Variants in TMSB15B observed in about 807,000 individuals in gnomAD.
The protein encoded by TMSB15B is thymosin beta 15B, also known as thymosin beta-15B.
intron 1 of TMSB15B, among the ~76,000 whole-genome samples, chrX:103,944,912 G>A (rs181871912): frequency 9.0e-6 from 1 of 111,579 alleles, no homozygotes; most frequent in African/African-American, 3.3e-5. Flanking sequence ...TGAGTAGCTG[G>A]GACTACAGGC....
At chrX:103,933,259 A>T (rs1204248916) in intron 1 of TMSB15B, among the ~76,000 whole-genome samples, 1 of 111,724 alleles carries the variant, frequency 9.0e-6, no homozygotes, top group East Asian at 2.8e-4. Flanking sequence ...GTATTTCTCT[A>T]GTCTGTTCAC....
intron 1 of TMSB15B, among the ~76,000 whole-genome samples, chrX:103,941,023 G>A (rs1428921500): frequency 9.0e-6 from 1 of 110,868 alleles, no homozygotes; most frequent in Non-Finnish European, 1.9e-5. Flanking sequence ...GCTTCTGCTC[G>A]CCCTCCGTGG....
intron 1 of TMSB15B, among the ~76,000 whole-genome samples, chrX:103,929,906 T>C (rs781961159): frequency 9.1e-6 from 1 of 110,331 alleles, no homozygotes; most frequent in Non-Finnish European, 1.9e-5. Flanking sequence ...TTAGGGTACA[T>C]GTGCACAATG....
chrX:103,941,678 G>A (rs1275921876), intron 1 of TMSB15B, among the ~76,000 whole-genome samples: 1 of 112,005 alleles, frequency 8.9e-6, no homozygotes, highest in Admixed American at 9.4e-5. Context: ...TATGGAATAT[G>A]AGCACCTTCA....
chrX:103,935,913 C>A (rs1390232090), intron 1 of TMSB15B, among the ~76,000 whole-genome samples: 4 of 91,302 alleles, frequency 4.4e-5, no homozygotes, highest in Non-Finnish European at 8.3e-5. Flanking sequence ...ATGGCGTGAT[C>A]TCAGCTCACC....
rs556110132 is a variant in TMSB15B, at chrX:103,949,007, G to T, written c.-720-13014G>T. ...TAGGATGGTTCAGGTAGGACTCATT[G>T]ATACAGTGAGATTTGAGCCTTGAAA... On this transcript the variant is annotated intron_variant, in intron 1 of 3. Coordinates refer to the TMSB15B transcript ENST00000419165. Among the ~76,000 whole-genome samples, 7 of 111,680 alleles carry T rather than the reference G, an allele frequency of 6.3e-5. No individual in the cohort carries two copies. The South Asian group carries it at 2.3e-3, about 37-fold the overall frequency.
chrX:103,947,136 C>T (rs2075027650), intron 1 of TMSB15B, among the ~76,000 whole-genome samples: 1 of 110,303 alleles, frequency 9.1e-6, no homozygotes, highest in South Asian at 3.8e-4. Context: ...AGCCCACAAG[C>T]AGTAGAATGA....
chrX:103,939,467 A>C (rs1288404706), intron 1 of TMSB15B, among the ~76,000 whole-genome samples: 2 of 109,711 alleles, frequency 1.8e-5, no homozygotes, highest in African/African-American at 6.6e-5. Context: ...ACTTGTATAT[A>C]ATTCATGAAG....
chrX:103,929,888 T>C (rs1295569139), intron 1 of TMSB15B, among the ~76,000 whole-genome samples: 4 of 110,336 alleles, frequency 3.6e-5, no homozygotes, highest in Admixed American at 9.7e-5. Context: ...ATTATTATAC[T>C]TTAAGTTTTA....
chrX:103,926,742 A>C (rs1300717273), intron 1 of TMSB15B, among the ~76,000 whole-genome samples: 1 of 110,294 alleles, frequency 9.1e-6, no homozygotes, highest in East Asian at 2.9e-4. Flanking sequence ...TGCTAGCTTA[A>C]TTAGAGTCCC....
At chrX:103,930,727 T>TG (rs2074982488) in intron 1 of TMSB15B, among the ~76,000 whole-genome samples, 26 of 59,149 alleles carry the variant, frequency 4.4e-4, no homozygotes, top group East Asian at 9.5e-4. Flanking sequence ...ATGCTGTTGA[T>TG]AATAATAATA....
chrX:103,943,891 G>A (rs1361501279), intron 1 of TMSB15B, among the ~76,000 whole-genome samples: 1 of 111,692 alleles, frequency 9.0e-6, no homozygotes, highest in African/African-American at 3.3e-5. Context: ...ATAGAATTAG[G>A]CTTCCCTCTT....
intron 1 of TMSB15B, chrX:103,932,882 A>T (rs782742879): frequency 3.7e-4 from 41 of 112,080 alleles, no homozygotes; most frequent in Non-Finnish European, 7.7e-4. Context: ...GACATAAAAT[A>T]TACAATTTAA....
intron 1 of TMSB15B, among the ~76,000 whole-genome samples, chrX:103,922,301 G>A (rs1201111588): frequency 1.9e-5 from 2 of 108,101 alleles, no homozygotes; most frequent in Non-Finnish European, 3.8e-5. Flanking sequence ...TTGGTGTGCT[G>A]CACCCATTAA....
chrX:103,928,361 T>C (rs199997660), intron 1 of TMSB15B: 191 of 1,208,025 alleles, frequency 1.6e-4, no homozygotes, highest in Non-Finnish European at 1.8e-4. Flanking sequence ...CTCTCCAAGA[T>C]GTTGCAAGGG....
At chrX:103,928,484 T>A in intron 1 of TMSB15B, 1 of 1,203,605 alleles carries the variant, frequency 8.3e-7, no homozygotes. Flanking sequence ...GTGGAGGCTG[T>A]GGCACTCAGC....
intron 1 of TMSB15B, chrX:103,928,840 C>T: frequency 8.3e-7 from 1 of 1,202,495 alleles, no homozygotes; most frequent in East Asian, 3.0e-5. Context: ...GCAGAACATG[C>T]CAAGCCTGTG....
At chrX:103,920,245 A>G (rs1323585799) in intron 1 of TMSB15B, among the ~76,000 whole-genome samples, 2 of 111,889 alleles carry the variant, frequency 1.8e-5, no homozygotes, top group Non-Finnish European at 3.8e-5. Context: ...TCCAGAACTC[A>G]TACTATTAAC....
chrX:103,947,530 A>C (rs1431487417), intron 1 of TMSB15B, among the ~76,000 whole-genome samples: 1 of 112,180 alleles, frequency 8.9e-6, no homozygotes, highest in Non-Finnish European at 1.9e-5. Flanking sequence ...AAACATTTTG[A>C]AAATCTGCCT....
Sources: allele counts gnomAD v4.1 joint callset (sites outside exome capture counted in the v4.1 genomes callset), GRCh38; gene constraint gnomAD v4.1.1; transcripts MANE v1.5; gene names NCBI Gene and HGNC (gene_info 2026-07-23, HGNC 2026-07-21).